The following TIMP4 variants were observed in gnomAD, a reference collection of about 807,000 sequenced individuals.
TIMP4 encodes the protein metalloproteinase inhibitor 4.
A neutral mutation model predicts 27.3 loss-of-function variants in TIMP4; 28 were observed. The observed-to-expected ratio is 1.03, with a 90% CI of 0.76 to 1.41. The LOEUF (loss-of-function observed/expected upper bound fraction) is 1.41, where lower values mean the gene tolerates loss of function less well. Ranked by LOEUF, TIMP4 falls within the 40% of genes most tolerant of loss-of-function variation. The probability of loss-of-function intolerance (pLI) is 0.00; values close to 1 mark genes in which losing one functional copy is unlikely to be tolerated. For missense variants in TIMP4, 307 were observed against 285.5 expected (o/e 1.08, Z -0.54); for synonymous variants, 138 against 115.5 (o/e 1.20, Z -1.25).
At chr3:12,157,017 A>G (rs1344077733) in intron 2 of TIMP4, 83 bp from the exon 3 acceptor site, 1 of 1,002,208 alleles carries the variant, frequency 1.0e-6, no homozygotes, top group Admixed American at 2.3e-5. Flanking sequence ...CTCACTTCTC[A>G]GCCTAAAAAT....
chr3:12,157,545 G>A (rs1697494506), intron 1 of TIMP4, 63 bp from the exon 2 acceptor site: 7 of 1,501,798 alleles, frequency 4.7e-6, no homozygotes, highest in Non-Finnish European at 9.2e-7. Flanking sequence ...CCTGAGGTCT[G>A]GATGATCCAG....
At chr3:12,153,780 A>T in intron 4 of TIMP4, 68 bp from the exon 5 acceptor site, 2 of 1,545,046 alleles carry the variant, frequency 1.3e-6, no homozygotes, top group Non-Finnish European at 1.8e-6. Context: ...TGCCTTTCAG[A>T]TTCCTACGTA....
intron 3 of TIMP4, among the ~76,000 whole-genome samples, chr3:12,156,279 C>A (rs768819952): frequency 5.9e-5 from 9 of 152,224 alleles, no homozygotes; most frequent in Non-Finnish European, 1.2e-4. Context: ...CCAAATAGTT[C>A]CGTTCTCTGA....
At chr3:12,157,908 C>T (rs917350878) in intron 1 of TIMP4, among the ~76,000 whole-genome samples, 2 of 152,004 alleles carry the variant, frequency 1.3e-5, no homozygotes, top group African/African-American at 4.8e-5. Context: ...TTATTGAATT[C>T]ATAAATGTTC....
At chr3:12,154,796 C>T (rs1285540922) in intron 3 of TIMP4, among the ~76,000 whole-genome samples, 1 of 152,106 alleles carries the variant, frequency 6.6e-6, no homozygotes, top group East Asian at 1.9e-4. Flanking sequence ...AGTTGTATAA[C>T]CTCTCAGCTG....
chr3:12,155,960 A>G (rs1697444592), intron 3 of TIMP4, among the ~76,000 whole-genome samples: 1 of 152,170 alleles, frequency 6.6e-6, no homozygotes, highest in Non-Finnish European at 1.5e-5. Context: ...CCACATCCTC[A>G]GAGCTAGGAA....
intron 1 of TIMP4, among the ~76,000 whole-genome samples, chr3:12,158,301 T>G (rs1164477186): frequency 1.3e-5 from 2 of 152,162 alleles, no homozygotes; most frequent in Admixed American, 1.3e-4. Context: ...CCATAGGGGC[T>G]TGGTGGCAAC....
At chr3:12,158,657 C>T (rs779298140) in intron 1 of TIMP4, 45 bp downstream of exon 1, 46 of 1,604,768 alleles carry the variant, frequency 2.9e-5, no homozygotes, top group Non-Finnish European at 3.7e-5. Context: ...ATACTAATCC[C>T]CCACAACCAC....
rs778270554 is a variant in TIMP4 at position 12,153,633 on chromosome 3, T to C, written c.557A>G (p.Lys186Arg). Residue 186 changes from lysine (K) to arginine (R), a missense_variant, in exon 5 of 5, where the codon AAG becomes AGG. Coordinates refer to ENST00000287814, the MANE Select transcript of TIMP4 (RefSeq NM_003256.4). ...ATGCTGAGCCTGGTAACCATAGAGC[T>C]TTCGTTCCAACAGCCAGTCTGTCCA... The part of the protein sequence containing the change: ...CLWTDWLLER[K>R]LYGYQAQHYV... The C allele has an allele frequency of 2.5e-6, 4 of 1,614,158 alleles. No individual in the cohort carries two copies. Among genetic ancestry groups the C allele is most frequent in the Middle Eastern group, 1.6e-4 (1 of 6,062 alleles).
chr3:12,154,269 T>C (rs1322973876), intron 4 of TIMP4, 58 bp downstream of exon 4: 5 of 1,609,484 alleles, frequency 3.1e-6, no homozygotes, highest in Non-Finnish European at 3.4e-6. Context: ...CATGCATGAA[T>C]GAAGGCTCAG....
chr3:12,157,599 G>T, intron 1 of TIMP4, 117 bp from the exon 2 acceptor site: 1 of 946,052 alleles, frequency 1.1e-6, no homozygotes, highest in Non-Finnish European at 1.6e-6. Context: ...TTTTGGTGTG[G>T]CTGGGTTGTG....
At chr3:12,155,798 C>T (rs976031482) in intron 3 of TIMP4, among the ~76,000 whole-genome samples, 5 of 152,152 alleles carry the variant, frequency 3.3e-5, no homozygotes, top group Admixed American at 2.0e-4. Context: ...TGCCTAGCAG[C>T]GGGCTAGACA....
chr3:12,155,370 G>A (rs1697424998), intron 3 of TIMP4, among the ~76,000 whole-genome samples: 1 of 152,218 alleles, frequency 6.6e-6, no homozygotes, highest in Non-Finnish European at 1.5e-5. Flanking sequence ...GAAGGAGTGT[G>A]GGGCAAAGAA....
chr3:12,158,406 A>G (rs111434411), intron 1 of TIMP4, among the ~76,000 whole-genome samples: 3 of 152,158 alleles, frequency 2.0e-5, no homozygotes, highest in Admixed American at 6.5e-5. Flanking sequence ...AATAATCATC[A>G]GATAGCTCCG....
chr3:12,153,424 G>T lies in TIMP4; in HGVS notation c.*91C>A, dbSNP rs959970070. 2.9e-5 allele frequency: 41 copies of T among 1,429,678 alleles called. 1 individual carries two copies. The highest frequency in any genetic ancestry group is 5.0e-5 in the Admixed American group (3 of 59,478). 88.6% of individuals were successfully genotyped at this position (1,429,678 alleles called of 1,614,324 possible). On this transcript the variant is annotated 3_prime_UTR_variant, in exon 5 of 5. Coordinates refer to ENST00000287814, the MANE Select transcript of TIMP4 (RefSeq NM_003256.4). ...CACTTCTTATTAGCTGGCAGCAAGA[G>T]GTCAGGTGGTAATGGCCAAAGCTCT... is the stretch of plus-strand genomic sequence containing the variant.
At position 12,154,421 on chromosome 3, in the gene TIMP4, A is replaced by T. The variant is rs1045118461; in HGVS notation, c.383T>A (p.Ile128Asn). The change falls in exon 4 of 5, where the codon ATC (isoleucine) becomes AAC (asparagine). Residue 128 changes from isoleucine (I) to asparagine (N), a missense_variant. Transcript: ENST00000287814. ...GQVLSDGKVFIHLCNYIEPWE... is the reference protein window; with the variant it reads ...GQVLSDGKVFNHLCNYIEPWE... ...GGGCTCGATGTAGTTGCACAGATGG[A>T]TGAAGACTTTTCCATCACTGAGGAC... 2 of 1,614,004 alleles carry T rather than the reference A, an allele frequency of 1.2e-6. No individual in the cohort carries two copies. The highest frequency in any genetic ancestry group is 1.7e-6 in the Non-Finnish European group (2 of 1,180,038).
intron 1 of TIMP4, among the ~76,000 whole-genome samples, chr3:12,157,977 TTGA>T (rs1697507730): frequency 6.6e-6 from 1 of 152,246 alleles, no homozygotes; most frequent in Admixed American, 6.5e-5. Context: ...CCAAAAACTG[TTGA>T]TGATGTTCTT....
chr3:12,156,116 ATG>A (rs1284836989), intron 3 of TIMP4, among the ~76,000 whole-genome samples: 3 of 152,296 alleles, frequency 2.0e-5, no homozygotes, highest in Admixed American at 2.0e-4. Flanking sequence ...TCATTGCTGA[ATG>A]TGTGGATAGA....
At chr3:12,153,840 T>A in intron 4 of TIMP4, 128 bp from the exon 5 acceptor site, 1 of 984,914 alleles carries the variant, frequency 1.0e-6, no homozygotes, top group East Asian at 2.6e-5. Context: ...CCTTTCCCAG[T>A]CCCCAGTCTT....
Sources: allele counts gnomAD v4.1 joint callset (sites outside exome capture counted in the v4.1 genomes callset), GRCh38; gene constraint gnomAD v4.1.1; transcripts MANE v1.5; gene names NCBI Gene and HGNC (gene_info 2026-07-23, HGNC 2026-07-21).